PER2: variants seen among roughly 807,000 people sequenced by gnomAD.
The protein encoded by PER2 is period circadian protein homolog 2.
A neutral mutation model predicts 121.0 loss-of-function variants in PER2; 66 were observed. The ratio of observed to expected loss-of-function variants is 0.55; its 90% CI spans 0.45 to 0.67. PER2 has a LOEUF of 0.67. Ranked by LOEUF, PER2 falls within the 30% of genes least tolerant of loss-of-function variation. PER2 has a pLI of 0.00. For missense variants in PER2, 1,521 were observed against 1,635.0 expected, an observed-to-expected ratio of 0.93 and a Z score of 1.20; for synonymous variants, 684 against 659.9, an observed-to-expected ratio of 1.04 and a Z score of -0.56.
chr2:238,274,776 C>T (rs1440462362), intron 4 of PER2, among the ~76,000 whole-genome samples: 1 of 152,190 alleles, frequency 6.6e-6, no homozygotes, highest in Non-Finnish European at 1.5e-5. Context: ...CCAGCACCGA[C>T]GAGTAGCCCA....
the PER2 span, among the ~76,000 whole-genome samples, chr2:238,298,063 C>T: frequency 4.2e-5 from 6 of 142,602 alleles, no homozygotes; most frequent in South Asian, 6.6e-4. Context: ...TACGGAGTCT[C>T]GCTCTGTCCC....
rs532568099 is a variant in PER2, at chr2:238,249,064, C to G, written c.3616G>C (p.Ala1206Pro). The G allele has an allele frequency of 1.4e-5, 23 of 1,614,074 alleles. No individual in the cohort carries two copies. The highest frequency in any genetic ancestry group is 1.7e-4 in the Middle Eastern group (1 of 6,060). ...TGGLPAAIDV[A>P]ECVYCENKEK... ...GAAATCGAGTCCCGTGAGCTTACTG[C>G]CACGTCGATGGCTGCGGGCAGGCCG... Residue 1206 changes from alanine to proline, a missense_variant and splice_region_variant, in exon 22 of 23, where the codon GCA (alanine) becomes CCA (proline). Physicochemically the swap from Ala to Pro is conservative, Grantham distance 27 (BLOSUM62 -1). Coordinates refer to ENST00000254657, the MANE Select transcript of PER2 (RefSeq NM_022817.3).
upstream of PER2, among the ~76,000 whole-genome samples, chr2:238,294,990 G>A (rs193139333): frequency 2.5e-4 from 38 of 152,336 alleles, no homozygotes; most frequent in African/African-American, 7.7e-4. Flanking sequence ...GCCCACCAGC[G>A]ATGCCAGCTC....
At chr2:238,248,940 C>A (rs767751581) in intron 22 of PER2, 122 bp downstream of exon 22, 1 of 1,091,274 alleles carries the variant, frequency 9.2e-7, no homozygotes, top group Non-Finnish European at 1.4e-6. Flanking sequence ...CAGGCGTGAG[C>A]CACCGCGCCC....
intron 4 of PER2, 49 bp from the exon 5 acceptor site, chr2:238,273,240 C>T (rs771272318): frequency 1.2e-5 from 19 of 1,598,736 alleles, no homozygotes; most frequent in South Asian, 2.2e-5. Flanking sequence ...AGCGCTTGGC[C>T]GGAGACAGTC....
chr2:238,268,080 C>T lies in PER2; in HGVS notation c.943G>A (p.Glu315Lys). The change falls in exon 8 of 23, where the codon GAG becomes AAG. Residue 315 changes from glutamate (E) to lysine (K), a missense_variant. By Grantham distance (56) the Glu-to-Lys change is moderately conservative. Transcript: ENST00000254657. The surrounding 1 kb of genome is among the most constrained non-coding windows in gnomAD (Gnocchi z 4.0). ...ESQLCCLLLAERVHSGYEAPR... is the reference protein window; with the variant it reads ...ESQLCCLLLAKRVHSGYEAPR... ...CCTTCATAACCAGAGTGCACTCTCT[C>T]TGCCAGCAGAAGGCAGCAAAGCTGA... 2 of 1,614,112 alleles carry T rather than the reference C, an allele frequency of 1.2e-6. No homozygotes were observed. The highest frequency in any genetic ancestry group is 1.7e-6 in the Non-Finnish European group (2 of 1,180,036).
In PER2 at chr2:238,282,385, C is replaced by T. The variant is rs1696654910; in HGVS notation, c.-19-4430G>A. ...GAGGGGCTGGGCTGTTTACTGCCTG[C>T]CTCCCCTCTGGGACCTAAGCTCCAT... On this transcript the variant is annotated intron_variant, in intron 1 of 22. Transcript: ENST00000254657. Among the ~76,000 whole-genome samples the T allele has an allele frequency of 2.6e-5, 4 of 152,130 alleles. 1 individual carries two copies. In the South Asian group the frequency reaches 8.3e-4, roughly 31 times the overall value.
intron 1 of PER2, among the ~76,000 whole-genome samples, chr2:238,286,741 G>C (rs1283463758): frequency 1.3e-5 from 2 of 152,244 alleles, no homozygotes; most frequent in Non-Finnish European, 2.9e-5. Context: ...GCTGTTCAAT[G>C]ACCTGACAGA....
chr2:238,249,850 G>C (rs1221412825), intron 21 of PER2, among the ~76,000 whole-genome samples: 1 of 152,212 alleles, frequency 6.6e-6, no homozygotes, highest in African/African-American at 2.4e-5. Flanking sequence ...GAAGGTGCTT[G>C]CTTCTCCTCC....
At chr2:238,265,374 A>G in intron 9 of PER2, 138 bp downstream of exon 9, 1 of 659,506 alleles carries the variant, frequency 1.5e-6, no homozygotes, top group Non-Finnish European at 2.8e-6. Context: ...GTAATTCCAT[A>G]ATTATTTCAT....
intron 1 of PER2, among the ~76,000 whole-genome samples, chr2:238,280,024 C>T (rs1055423355): frequency 1.4e-4 from 21 of 152,222 alleles, no homozygotes; most frequent in African/African-American, 4.3e-4. Flanking sequence ...GGGAGAAGAA[C>T]GGACACAGGA....
At chr2:238,255,451 GGGAATGCA>G in intron 18 of PER2, 198 bp downstream of exon 18, 1 of 639,112 alleles carries the variant, frequency 1.6e-6, no homozygotes, top group East Asian at 2.7e-5. Context: ...CTATTCCCCA[GGGAATGCA>G]AGCTGACATC....
chr2:238,256,954 T>TG lies in PER2; in HGVS notation c.2032dup (p.His678ProfsTer95), dbSNP rs1257249535. The TG allele has an allele frequency of 6.2e-7, 1 of 1,614,016 alleles. No individual in the cohort carries two copies. Among genetic ancestry groups the TG allele is most frequent in the African/African-American group, 1.3e-5 (1 of 74,944 alleles). On this transcript the variant is annotated frameshift_variant, in exon 17 of 23. Transcript: ENST00000254657. LOFTEE classifies it high-confidence loss of function. ...CGGCTGCGGCTTCTTGTCTCCCACA[T>TG]GGACGATGGTGCTGCTGTAGCTGCA...
chr2:238,262,150 C>T, intron 11 of PER2, 41 bp downstream of exon 11: 2 of 1,601,916 alleles, frequency 1.2e-6, no homozygotes, highest in Non-Finnish European at 8.5e-7. Context: ...GAGACCCCCG[C>T]CCAAGACCCC....
rs546741922 is a variant in PER2, at chr2:238,245,890, T to C, written c.*485A>G. On this transcript the variant is annotated 3_prime_UTR_variant, in exon 23 of 23. Coordinates refer to ENST00000254657, the MANE Select transcript of PER2 (RefSeq NM_022817.3). ...GAGAGGCTGCTATCTCCATTTGGTATGTATAAAAAAACACTCTACCTTGAC... is the reference window on the plus strand; with the variant it reads ...GAGAGGCTGCTATCTCCATTTGGTACGTATAAAAAAACACTCTACCTTGAC... 2.7e-6 allele frequency: 1 copy of C among 370,472 alleles called. No homozygotes were observed. The highest frequency in any genetic ancestry group is 4.6e-5 in the Admixed American group (1 of 21,816). 22.9% of individuals were successfully genotyped at this position (370,472 alleles called of 1,614,324 possible).
Position 238,267,977 on chromosome 2 carries a change from G to A in PER2, c.967+79C>T, listed in dbSNP as rs1696159348. 9.9e-6 allele frequency: 15 copies of A among 1,511,782 alleles called. No homozygotes were observed. In the South Asian group the frequency reaches 1.7e-4, roughly 17 times the overall value. 93.6% of individuals were successfully genotyped at this position (1,511,782 alleles called of 1,614,324 possible). ...ACTGCAGCGGGGAGTCCATCGTACA[G>A]ATGTTATGTGTGAACCACAGGAGTA... On this transcript the variant is annotated intron_variant, in intron 8 of 22. Transcript: ENST00000254657.
At position 238,244,596 on chromosome 2, in the gene PER2, C is replaced by T. The variant is rs1695395311; in HGVS notation, c.*1779G>A. 6.6e-6 allele frequency: 1 copy of T among 152,190 alleles called. No homozygotes were observed. The highest frequency in any genetic ancestry group is 1.5e-5 in the Non-Finnish European group (1 of 68,050). 9.4% of individuals were successfully genotyped at this position (152,190 alleles called of 1,614,324 possible). A position where few individuals can be genotyped will look rare whatever the true frequency, so the allele number is the denominator to read the frequency against. ...ATAAGAATGCAGACTGCTACCTTAT[C>T]ATAGGCATAGGCAGCTGATGTTACT... On this transcript the variant is annotated 3_prime_UTR_variant, in exon 23 of 23. Coordinates refer to ENST00000254657, the MANE Select transcript of PER2 (RefSeq NM_022817.3).
intron 1 of PER2, among the ~76,000 whole-genome samples, chr2:238,281,372 C>T (rs1328480957): frequency 6.6e-6 from 1 of 152,176 alleles, no homozygotes; most frequent in Non-Finnish European, 1.5e-5. Flanking sequence ...TTACAGGATA[C>T]TTGATTGTGG....
chr2:238,267,279 G>A (rs191380148), intron 8 of PER2, among the ~76,000 whole-genome samples: 3 of 152,284 alleles, frequency 2.0e-5, no homozygotes, highest in African/African-American at 4.8e-5. Flanking sequence ...CTCTTAAGAG[G>A]GACCACAGGA....
Sources: gnomAD v4.1 joint callset for allele counts (sites outside exome capture counted in the v4.1 genomes callset) on GRCh38, gnomAD v4.1.1 for gene constraint, Gnocchi (gnomAD v3.1) non-coding constraint, MANE v1.5 for transcripts, NCBI Gene and HGNC (gene_info 2026-07-23, HGNC 2026-07-21) for gene names.